The following ST6GALNAC1 variants were observed in gnomAD, a reference collection of about 807,000 sequenced individuals.
ST6GALNAC1 encodes ST6 N-acetylgalactosaminide alpha-2,6-sialyltransferase 1, also known as alpha-N-acetylgalactosaminide alpha-2,6-sialyltransferase 1.
In ST6GALNAC1, 45 loss-of-function variants were observed where a neutral mutation model predicts 56.8. The observed-to-expected ratio is 0.79, with a 90% CI of 0.62 to 1.02. The LOEUF (loss-of-function observed/expected upper bound fraction) is 1.02. Among genes scored for constraint, ST6GALNAC1 ranks in the 50% least tolerant of loss-of-function variants. The probability of loss-of-function intolerance (pLI) is 0.00; values close to 1 mark genes in which losing one functional copy is unlikely to be tolerated. For missense variants in ST6GALNAC1, 743 were observed against 754.8 expected, an observed-to-expected ratio of 0.98 and a Z score of 0.18; for synonymous variants, 295 against 297.8, an observed-to-expected ratio of 0.99 and a Z score of 0.10.
At chr17:76,625,739 A>G in intron 8 of ST6GALNAC1, 80 bp downstream of exon 8, 1 of 1,301,026 alleles carries the variant, frequency 7.7e-7, no homozygotes, top group Non-Finnish European at 1.0e-6. Context: ...CAGCCCATGC[A>G]CTGTCCTATG....
At position 76,625,146 on chromosome 17, in the gene ST6GALNAC1, C is replaced by G; in HGVS notation, c.*184G>C. ...CCTACAGCAATGTACTGAAGAACTT[C>G]AGAACCTCAATTAGCCATTTGCCAT... On this transcript the variant is annotated 3_prime_UTR_variant, in exon 9 of 9. Coordinates refer to ENST00000156626, the MANE Select transcript of ST6GALNAC1 (RefSeq NM_018414.5). 1 of 645,414 alleles carries G rather than the reference C, an allele frequency of 1.5e-6. No individual in the cohort carries two copies. The highest frequency in any genetic ancestry group is 2.6e-6 in the Non-Finnish European group (1 of 379,002). The allele number at this position is 645,414 out of a possible 1,614,324, so 40.0% of individuals were successfully genotyped here. A position where few individuals can be genotyped will look rare whatever the true frequency, so the allele number is the denominator to read the frequency against.
chr17:76,633,135 G>A (rs1675556812), intron 1 of ST6GALNAC1, among the ~76,000 whole-genome samples: 1 of 152,134 alleles, frequency 6.6e-6, no homozygotes, highest in Admixed American at 6.5e-5. Context: ...CTCGAACCTG[G>A]GCGGCAGAGG....
chr17:76,620,133 C>T (rs572047112), downstream of ST6GALNAC1, among the ~76,000 whole-genome samples: 64 of 152,164 alleles, frequency 4.2e-4, no homozygotes, highest in African/African-American at 1.4e-3. Context: ...CTCTGCCCCT[C>T]GGGTTCAAGC....
chr17:76,621,963 T>C (rs9890320), downstream of ST6GALNAC1, among the ~76,000 whole-genome samples: 6 of 145,948 alleles, frequency 4.1e-5, no homozygotes, highest in African/African-American at 1.5e-4. Flanking sequence ...TTTTTTGTTG[T>C]TTTTGTTTTT....
chr17:76,626,788 A>G lies in ST6GALNAC1; in HGVS notation c.1174T>C (p.Leu392=), dbSNP rs199883767. 31 of 1,613,940 alleles carry G rather than the reference A, an allele frequency of 1.9e-5. No homozygotes were observed. In the Admixed American group the frequency reaches 4.2e-4, roughly 22 times the overall value. ...TAGCCTTTAATGAGAGCTCCGCTCA[A>G]TCTGTGCAGAAAGACACAATCAGAC... is the stretch of plus-strand genomic sequence containing the variant. The part of the protein sequence containing the change: ...EIDSHDYVFR[L]SGALIKGYEQ... The change falls in exon 5 of 9, where the codon TTG becomes CTG. Residue 392 remains leucine, a splice_region_variant and synonymous_variant. Coordinates refer to ENST00000156626, the MANE Select transcript of ST6GALNAC1 (RefSeq NM_018414.5).
At position 76,629,389 on chromosome 17, in the gene ST6GALNAC1, C is replaced by G. The variant is rs2143437809; in HGVS notation, c.454G>C (p.Glu152Gln). ...QDAGMASGRT[E>Q]AQSWKSQDTK... ...TCCTGGCTCTTCCATGATTGTGCCTCTGTCCTGCCAGAGGCCATCCCTGCA... is the reference window on the plus strand; with the variant it reads ...TCCTGGCTCTTCCATGATTGTGCCTGTGTCCTGCCAGAGGCCATCCCTGCA... Residue 152 changes from glutamate to glutamine, a missense_variant, in exon 2 of 9, where the codon GAG becomes CAG. Transcript: ENST00000156626. 6.2e-7 allele frequency: 1 copy of G among 1,614,192 alleles called. No individual in the cohort carries two copies. Among genetic ancestry groups the G allele is most frequent in the Non-Finnish European group, 8.5e-7 (1 of 1,180,034 alleles).
chr17:76,624,243 ATTATTT>A (rs1277152410), downstream of ST6GALNAC1, among the ~76,000 whole-genome samples: 2 of 151,558 alleles, frequency 1.3e-5, no homozygotes, highest in Non-Finnish European at 2.9e-5. Flanking sequence ...TTATTTATTT[ATTATTT>A]TTATTTTTGT....
chr17:76,621,631 A>G (rs948526828), downstream of ST6GALNAC1, among the ~76,000 whole-genome samples: 1 of 151,490 alleles, frequency 6.6e-6, no homozygotes, highest in Admixed American at 6.6e-5. Context: ...GCCCACCACC[A>G]CACCCGGCTA....
chr17:76,635,970 G>C (rs997610683), intron 1 of ST6GALNAC1, among the ~76,000 whole-genome samples: 1 of 152,080 alleles, frequency 6.6e-6, no homozygotes, highest in African/African-American at 2.4e-5. Flanking sequence ...GGTATGTAGG[G>C]GTTACCTAAG....
In ST6GALNAC1 at chr17:76,643,501, A is replaced by C; in HGVS notation, c.131+7T>G. 6.2e-7 allele frequency: 1 copy of C among 1,613,710 alleles called. No homozygotes were observed. On this transcript the variant is annotated splice_region_variant and intron_variant, in intron 1 of 8. Coordinates refer to ENST00000156626, the MANE Select transcript of ST6GALNAC1 (RefSeq NM_018414.5). Reference sequence around the variant, plus strand: ...AATATGAGGAGTGGAAAGGACAAGAATCTTACCTGGAAGGCTTTGTTTGAG... The same window carrying C: ...AATATGAGGAGTGGAAAGGACAAGACTCTTACCTGGAAGGCTTTGTTTGAG...
Position 76,643,550 on chromosome 17 carries a change from G to A in ST6GALNAC1, c.89C>T (p.Ala30Val), listed in dbSNP as rs763320169. 1 of 1,614,122 alleles carries A rather than the reference G, an allele frequency of 6.2e-7. No homozygotes were observed. Residue 30 changes from alanine (A) to valine (V), a missense_variant, in exon 1 of 9, where the codon GCC becomes GTC. Physicochemically the swap from Ala to Val is moderately conservative, Grantham distance 64. Coordinates refer to ENST00000156626, the MANE Select transcript of ST6GALNAC1 (RefSeq NM_018414.5). ...AGGCTCCTTAATAAAAGAGGGCAAG[G>A]CGAAGAGAAAGAAGACCAGGACAGC... ...LLAVLVFFLF[A>V]LPSFIKEPQT...
intron 4 of ST6GALNAC1, 78 bp from the exon 5 acceptor site, chr17:76,626,867 A>G (rs2075807499): frequency 6.4e-7 from 1 of 1,573,924 alleles, no homozygotes; most frequent in South Asian, 1.1e-5. Context: ...GAAAGGAAGG[A>G]GAAATGGGGG....
chr17:76,637,397 C>A, intron 1 of ST6GALNAC1: 1 of 243,198 alleles, frequency 4.1e-6, no homozygotes, highest in Non-Finnish European at 7.8e-6. Context: ...AAGGGTCCCT[C>A]ATGTTGTCCT....
In ST6GALNAC1 at chr17:76,627,838, C is replaced by T. The variant is rs2075827510; in HGVS notation, c.832-255G>A. Among the ~76,000 whole-genome samples the T allele has an allele frequency of 6.6e-6, 1 of 152,134 alleles. No homozygotes were observed. The highest frequency in any genetic ancestry group is 6.5e-5 in the Admixed American group (1 of 15,276). On this transcript the variant is annotated intron_variant, in intron 2 of 8. Transcript: ENST00000156626. The surrounding 1 kb of genome is among the most constrained non-coding windows in gnomAD (Gnocchi z 4.4). ...CTAGGCCGGGTGTGGTGGCTCACGC[C>T]TGTAATCCTAGCACTTTGGGAGGCC...
chr17:76,627,430 C>G lies in ST6GALNAC1; in HGVS notation c.985G>C (p.Glu329Gln). 6.2e-7 allele frequency: 1 copy of G among 1,614,154 alleles called. No homozygotes were observed. The highest frequency in any genetic ancestry group is 1.7e-5 in the Admixed American group (1 of 60,006). Reference protein sequence around the residue: ...EHFAPPFGFMELNYSLVQKVV... With the variant: ...EHFAPPFGFMQLNYSLVQKVV... ...AAGGACTCACAGGAGTAGTTGAGCTCCATGAAGCCAAAGGGTGGTGCAAAG... is the reference window on the plus strand; with the variant it reads ...AAGGACTCACAGGAGTAGTTGAGCTGCATGAAGCCAAAGGGTGGTGCAAAG... The change falls in exon 3 of 9, where the codon GAG becomes CAG. Residue 329 changes from glutamate to glutamine, a missense_variant. By Grantham distance (29) the Glu-to-Gln change is conservative (BLOSUM62 2). Transcript: ENST00000156626. This position sits in a 1 kb window ranked among gnomAD's most constrained non-coding sequence, Gnocchi z 4.4.
At chr17:76,632,367 G>A (rs1374145894) in intron 1 of ST6GALNAC1, among the ~76,000 whole-genome samples, 2 of 152,100 alleles carry the variant, frequency 1.3e-5, no homozygotes, top group Non-Finnish European at 2.9e-5. Context: ...CACATCTCAG[G>A]CCACACATAG....
At chr17:76,637,863 A>C in intron 1 of ST6GALNAC1, 4 of 390,808 alleles carry the variant, frequency 1.0e-5, no homozygotes, top group Non-Finnish European at 1.4e-5. Context: ...ACAGAGTCTC[A>C]CTCTGTCGTC....
chr17:76,637,251 C>T (rs1295430840), intron 1 of ST6GALNAC1, among the ~76,000 whole-genome samples: 1 of 124,618 alleles, frequency 8.0e-6, no homozygotes, highest in African/African-American at 3.1e-5. Context: ...CGAGAAACAC[C>T]CAAGAATGAT....
chr17:76,631,665 T>C (rs960705951), intron 1 of ST6GALNAC1, among the ~76,000 whole-genome samples: 1 of 152,078 alleles, frequency 6.6e-6, no homozygotes, highest in East Asian at 1.9e-4. Context: ...TGGTGGAAGA[T>C]GGCCACCCCA....
Sources: allele counts gnomAD v4.1 joint callset (sites outside exome capture counted in the v4.1 genomes callset), GRCh38; gene constraint gnomAD v4.1.1; non-coding constraint Gnocchi (gnomAD v3.1); transcripts MANE v1.5; gene names NCBI Gene and HGNC (gene_info 2026-07-23, HGNC 2026-07-21).